Variants in DNM3 observed in about 807,000 individuals in gnomAD.
DNM3 encodes dynamin-3.
DNM3 carries 47 observed loss-of-function variants against 101.6 expected under a neutral mutation model. The observed-to-expected ratio is 0.46, with a 90% CI of 0.37 to 0.59. The LOEUF (loss-of-function observed/expected upper bound fraction) is 0.59. DNM3 is among the 20% of genes least tolerant of loss of function. The probability of loss-of-function intolerance (pLI) is 0.00; values close to 1 mark genes in which losing one functional copy is unlikely to be tolerated. For synonymous variants in DNM3, 385 were observed against 387.9 expected (o/e 0.99, Z 0.09); for missense variants, 849 against 1,085.7 (o/e 0.78, Z 3.06).
At chr1:172,052,150 A>G (rs959859237) in intron 10 of DNM3, among the ~76,000 whole-genome samples, 1 of 152,194 alleles carries the variant, frequency 6.6e-6, no homozygotes, top group African/African-American at 2.4e-5. Flanking sequence ...AATAGGGGCC[A>G]TAAATGGGCA....
Position 171,841,825 on chromosome 1 carries a change from C to T in DNM3, c.161+8C>T, listed in dbSNP as rs771052290. 5.0e-6 allele frequency: 8 copies of T among 1,603,554 alleles called. No individual in the cohort carries two copies. The Admixed American group carries it at 1.4e-4, about 27-fold the overall frequency. Reference sequence around the variant, plus strand: ...CGAGAACTTCGTGGGCAGGTAAGCGCGCAGGGCGCGGAGTAAGGATGCGGC... The same window carrying T: ...CGAGAACTTCGTGGGCAGGTAAGCGTGCAGGGCGCGGAGTAAGGATGCGGC... On this transcript the variant is annotated splice_region_variant and intron_variant, in intron 1 of 20. Coordinates refer to ENST00000627582, the MANE Select transcript of DNM3 (RefSeq NM_015569.5).
At chr1:171,956,589 C>T (rs1232005401) in intron 2 of DNM3, among the ~76,000 whole-genome samples, 4 of 152,184 alleles carry the variant, frequency 2.6e-5, no homozygotes, top group East Asian at 1.9e-4. Context: ...TGCAGGCTGT[C>T]GGTGGATCTA....
intron 2 of DNM3, among the ~76,000 whole-genome samples, chr1:171,978,777 G>C (rs2044568051): frequency 6.6e-6 from 1 of 152,142 alleles, no homozygotes; most frequent in South Asian, 2.1e-4. Flanking sequence ...CTTAGAAGTA[G>C]CATGGCCATA....
chr1:172,101,774 T>G (rs1054402792), intron 13 of DNM3, among the ~76,000 whole-genome samples: 1 of 152,240 alleles, frequency 6.6e-6, no homozygotes, highest in African/African-American at 2.4e-5. Context: ...ACCACAGTTC[T>G]AATAGTTTGT....
chr1:172,033,614 G>A (rs1019164960), intron 6 of DNM3, among the ~76,000 whole-genome samples: 1 of 152,136 alleles, frequency 6.6e-6, no homozygotes, highest in African/African-American at 2.4e-5. Flanking sequence ...CTTGGGATCT[G>A]TTTTTGAAGC....
At chr1:172,207,019 C>T (rs1232268879) in intron 14 of DNM3, among the ~76,000 whole-genome samples, 1 of 152,030 alleles carries the variant, frequency 6.6e-6, no homozygotes, top group African/African-American at 2.4e-5. Flanking sequence ...CCCACAAATG[C>T]CTGGTAGATG....
chr1:171,874,536 A>G (rs2035581151), intron 1 of DNM3, among the ~76,000 whole-genome samples: 1 of 152,192 alleles, frequency 6.6e-6, no homozygotes, highest in Non-Finnish European at 1.5e-5. Flanking sequence ...ATTTGAGGCT[A>G]TTATGCTTTT....
chr1:172,064,948 A>G (rs1344988432), intron 10 of DNM3, among the ~76,000 whole-genome samples: 1 of 152,206 alleles, frequency 6.6e-6, no homozygotes, highest in African/African-American at 2.4e-5. Flanking sequence ...AATTGTAGGT[A>G]CAAAATTGTG....
chr1:171,921,894 T>C (rs2040200703), intron 2 of DNM3, 73 bp downstream of exon 2: 1 of 1,385,836 alleles, frequency 7.2e-7, no homozygotes, highest in East Asian at 2.5e-5. Flanking sequence ...GGTGTGGGAT[T>C]GTACAAATAG....
chr1:171,865,506 A>T (rs1308427978), intron 1 of DNM3, among the ~76,000 whole-genome samples: 1 of 132,522 alleles, frequency 7.5e-6, no homozygotes, highest in Non-Finnish European at 1.6e-5. Flanking sequence ...ACAGAGCAAG[A>T]TCCTGTCTCA....
chr1:172,257,567 G>A (rs1160281094), intron 15 of DNM3, among the ~76,000 whole-genome samples: 18 of 151,716 alleles, frequency 1.2e-4, no homozygotes, highest in Admixed American at 1.1e-3. Flanking sequence ...TAACTTTTTG[G>A]TTAATATTTT....
At chr1:172,046,987 C>T (rs964635473) in intron 9 of DNM3, among the ~76,000 whole-genome samples, 1 of 148,576 alleles carries the variant, frequency 6.7e-6, no homozygotes, top group Non-Finnish European at 1.5e-5. Flanking sequence ...ATTTATATGC[C>T]TACCAACAGG....
At chr1:172,400,081 C>T (rs2070351518) in intron 20 of DNM3, among the ~76,000 whole-genome samples, 1 of 152,182 alleles carries the variant, frequency 6.6e-6, no homozygotes, top group Non-Finnish European at 1.5e-5. Flanking sequence ...ATGAATTGTG[C>T]AGTCATACAG....
intron 2 of DNM3, among the ~76,000 whole-genome samples, chr1:171,957,996 C>A (rs1195920440): frequency 6.6e-6 from 1 of 152,184 alleles, no homozygotes; most frequent in Admixed American, 6.5e-5. Context: ...AGTCTGTCTT[C>A]ATTTTGCTGA....
chr1:172,324,504 G>A (rs980177029), intron 17 of DNM3, among the ~76,000 whole-genome samples: 1 of 152,030 alleles, frequency 6.6e-6, no homozygotes, highest in African/African-American at 2.4e-5. Flanking sequence ...ATATAATAAA[G>A]TATTACCAGA....
intron 4 of DNM3, among the ~76,000 whole-genome samples, chr1:171,990,892 T>A (rs965050676): frequency 1.3e-5 from 2 of 152,120 alleles, no homozygotes; most frequent in Non-Finnish European, 2.9e-5. Flanking sequence ...ACAGCGTCAG[T>A]GGCTTGGAAG....
At chr1:172,273,830 G>A (rs2063174612) in intron 15 of DNM3, among the ~76,000 whole-genome samples, 1 of 152,040 alleles carries the variant, frequency 6.6e-6, no homozygotes, top group Non-Finnish European at 1.5e-5. Flanking sequence ...GGGGACTCCT[G>A]AAAGAGTCCT....
chr1:171,914,807 T>C (rs1470581593), intron 1 of DNM3, among the ~76,000 whole-genome samples: 1 of 152,084 alleles, frequency 6.6e-6, no homozygotes, highest in African/African-American at 2.4e-5. Context: ...TGAAAGGGTA[T>C]GTAGAAAGTG....
At chr1:172,323,399 A>G in intron 17 of DNM3, 59 bp downstream of exon 17, 1 of 1,567,036 alleles carries the variant, frequency 6.4e-7, no homozygotes, top group Non-Finnish European at 8.7e-7. Flanking sequence ...CCGCTCCTGC[A>G]TGTCTTGACA....
Sources: gnomAD v4.1 joint callset for allele counts (sites outside exome capture counted in the v4.1 genomes callset) on GRCh38, gnomAD v4.1.1 for gene constraint, MANE v1.5 for transcripts, NCBI Gene and HGNC (gene_info 2026-07-23, HGNC 2026-07-21) for gene names.